Variants in CDH12 observed in about 807,000 individuals in gnomAD.
CDH12 encodes the protein cadherin-12.
CDH12 carries 41 observed loss-of-function variants against 74.1 expected under a neutral mutation model. The observed-to-expected ratio is 0.55, with a 90% CI of 0.43 to 0.72. The LOEUF (loss-of-function observed/expected upper bound fraction) is 0.72. CDH12 is among the 30% of genes least tolerant of loss of function. CDH12 has a pLI of 0.00. For synonymous variants in CDH12, 399 were observed against 355.0 expected (o/e 1.12, Z -1.39); for missense variants, 945 against 977.2 (o/e 0.97, Z 0.44).
intron 5 of CDH12, 72 bp downstream of exon 5, chr5:22,078,374 A>G: frequency 7.4e-7 from 1 of 1,346,176 alleles, no homozygotes; most frequent in South Asian, 1.3e-5. Context: ...CCTGTGCAAA[A>G]CATCCATACA....
At chr5:22,112,603 C>T (rs1215603970) in intron 4 of CDH12, among the ~76,000 whole-genome samples, 1 of 151,560 alleles carries the variant, frequency 6.6e-6, no homozygotes. Flanking sequence ...TTTTTTTTCC[C>T]CTCAACTCTT....
At chr5:22,831,967 C>G (rs1001658205) in intron 1 of CDH12, among the ~76,000 whole-genome samples, 1 of 151,972 alleles carries the variant, frequency 6.6e-6, no homozygotes, top group African/African-American at 2.4e-5. Context: ...ACTTAGAATT[C>G]AACTTATCTA....
chr5:22,354,527 C>T (rs983595565), intron 3 of CDH12, among the ~76,000 whole-genome samples: 5 of 152,142 alleles, frequency 3.3e-5, no homozygotes, highest in African/African-American at 1.2e-4. Context: ...TATTTTTGGT[C>T]CTGACACTAA....
intron 5 of CDH12, among the ~76,000 whole-genome samples, chr5:22,046,169 A>C (rs1739938070): frequency 6.6e-6 from 1 of 152,182 alleles, no homozygotes; most frequent in South Asian, 2.1e-4. Context: ...TGAATTGATA[A>C]TATAACAAAT....
At chr5:22,758,136 G>A (rs1257463320) in intron 1 of CDH12, among the ~76,000 whole-genome samples, 1 of 152,200 alleles carries the variant, frequency 6.6e-6, no homozygotes, top group Non-Finnish European at 1.5e-5. Context: ...CATGGCAGGA[G>A]CTCTCGTCAT....
chr5:22,141,588 G>A (rs13163588), intron 4 of CDH12: 1 of 152,074 alleles, frequency 6.6e-6, no homozygotes, highest in Non-Finnish European at 1.5e-5. Flanking sequence ...ATCTTTTGGG[G>A]TTTTTTCCAT....
intron 6 of CDH12, chr5:21,882,652 C>G: frequency 6.2e-7 from 1 of 1,605,808 alleles, no homozygotes; most frequent in African/African-American, 1.3e-5. Flanking sequence ...CTCCTCATCT[C>G]ACTCGAGCTT....
Position 21,752,175 on chromosome 5 carries a change from A to G in CDH12, c.1947T>C (p.Ser649=). ...TGACGTTGTCTCTGATGTCTTCTTTAGAGGTCATCAGGGTGTCTTTTTTCT... is the reference window on the plus strand; with the variant it reads ...TGACGTTGTCTCTGATGTCTTCTTTGGAGGTCATCAGGGTGTCTTTTTTCT... ...RQKKKDTLMT[S]KEDIRDNVIH... Residue 649 remains serine (S), a synonymous_variant, in exon 15 of 15, where the codon TCT becomes TCC. Coordinates refer to ENST00000382254, the MANE Select transcript of CDH12 (RefSeq NM_004061.5). The G allele has an allele frequency of 6.2e-7, 1 of 1,613,942 alleles. No homozygotes were observed. Among genetic ancestry groups the G allele is most frequent in the African/African-American group, 1.3e-5 (1 of 75,022 alleles).
At chr5:22,721,948 C>T (rs1356071285) in intron 1 of CDH12, among the ~76,000 whole-genome samples, 2 of 152,120 alleles carry the variant, frequency 1.3e-5, no homozygotes, top group African/African-American at 2.4e-5. Context: ...AACTGTGAGT[C>T]AATTAAACCT....
chr5:21,845,095 G>C (rs1405452718), intron 7 of CDH12, among the ~76,000 whole-genome samples: 1 of 152,116 alleles, frequency 6.6e-6, no homozygotes, highest in Non-Finnish European at 1.5e-5. Context: ...AGCAGCAACT[G>C]TATGAATAAC....
At chr5:22,658,703 T>G (rs1270929010) in intron 1 of CDH12, among the ~76,000 whole-genome samples, 1 of 152,044 alleles carries the variant, frequency 6.6e-6, no homozygotes, top group Non-Finnish European at 1.5e-5. Flanking sequence ...TTTCAAGAGG[T>G]CGAGTGACTC....
At chr5:22,196,407 T>C (rs1187776649) in intron 4 of CDH12, among the ~76,000 whole-genome samples, 1 of 152,096 alleles carries the variant, frequency 6.6e-6, no homozygotes. Context: ...CCTCCCAAAG[T>C]GCTGGGATTA....
chr5:21,937,490 T>C (rs1176391710), intron 6 of CDH12, among the ~76,000 whole-genome samples: 2 of 152,156 alleles, frequency 1.3e-5, no homozygotes, highest in Non-Finnish European at 2.9e-5. Context: ...GAAGAAATGG[T>C]AATAAAAATA....
chr5:22,620,869 G>C (rs1737936247), intron 1 of CDH12, among the ~76,000 whole-genome samples: 1 of 152,134 alleles, frequency 6.6e-6, no homozygotes, highest in Non-Finnish European at 1.5e-5. Flanking sequence ...GATAAAATTT[G>C]TAAAACCATA....
intron 4 of CDH12, among the ~76,000 whole-genome samples, chr5:22,137,379 G>T (rs1160917499): frequency 6.6e-6 from 1 of 151,864 alleles, no homozygotes; most frequent in Non-Finnish European, 1.5e-5. Flanking sequence ...AAGATTTTTT[G>T]AGTCTTTTGG....
intron 3 of CDH12, among the ~76,000 whole-genome samples, chr5:22,293,609 C>CACATAT (rs1299451855): frequency 6.6e-6 from 1 of 151,766 alleles, no homozygotes; most frequent in African/African-American, 2.4e-5. Flanking sequence ...AAATGTGGTA[C>CACATAT]ACATATACAT....
chr5:22,499,768 A>T (rs549884922), intron 2 of CDH12, among the ~76,000 whole-genome samples: 4 of 152,190 alleles, frequency 2.6e-5, no homozygotes, highest in Non-Finnish European at 4.4e-5. Context: ...GTTTTCAAAG[A>T]TAAGGCAGTG....
chr5:22,001,124 A>T (rs1233315515), intron 5 of CDH12, among the ~76,000 whole-genome samples: 2 of 152,172 alleles, frequency 1.3e-5, no homozygotes, highest in Non-Finnish European at 2.9e-5. Context: ...CTTTCAGCAA[A>T]TGATTACTTC....
At chr5:21,945,147 G>T (rs1755512213) in intron 6 of CDH12, among the ~76,000 whole-genome samples, 3 of 152,042 alleles carry the variant, frequency 2.0e-5, no homozygotes, top group Admixed American at 2.0e-4. Flanking sequence ...TGTTGGGGCT[G>T]GGCGCAGTGG....
Sources: allele counts gnomAD v4.1 joint callset (sites outside exome capture counted in the v4.1 genomes callset), GRCh38; gene constraint gnomAD v4.1.1; transcripts MANE v1.5; gene names NCBI Gene and HGNC (gene_info 2026-07-23, HGNC 2026-07-21).